Variants in PDLIM7 observed in about 807,000 individuals in gnomAD.
PDLIM7 encodes the protein PDZ and LIM domain protein 7.
PDLIM7 carries 37 observed loss-of-function variants against 53.9 expected under a neutral mutation model. The observed-to-expected ratio is 0.69, with a 90% confidence interval of 0.53 to 0.90. The LOEUF (loss-of-function observed/expected upper bound fraction) is 0.90, where lower values mean the gene tolerates loss of function less well. PDLIM7 is among the 40% of genes least tolerant of loss of function. PDLIM7 has a pLI of 0.00. For missense variants in PDLIM7, 617 were observed against 638.5 expected (o/e 0.97, Z 0.36); for synonymous variants, 300 against 261.3 (o/e 1.15, Z -1.43).
At chr5:177,492,701 C>T (rs767371072) in intron 2 of PDLIM7, 24 bp from the exon 3 acceptor site, 2 of 1,595,002 alleles carry the variant, frequency 1.3e-6, no homozygotes, top group Non-Finnish European at 1.7e-6. Flanking sequence ...AGCAAAGTGA[C>T]CGAGGCCCTG....
Position 177,492,519 on chromosome 5 carries a change from C to CG in PDLIM7, c.248+6dup. 1.9e-6 allele frequency: 3 copies of CG among 1,613,686 alleles called. No homozygotes were observed. The South Asian group carries it at 3.3e-5, about 18-fold the overall frequency. On this transcript the variant is annotated splice_region_variant and intron_variant, in intron 3 of 12. Coordinates refer to ENST00000355841, the MANE Select transcript of PDLIM7 (RefSeq NM_005451.5). ...GCGGGCGCACCCATCCATGTCCACC[C>CG]GCATACCTGCTGAGGCCCAGGCTGA...
rs545563078 is a variant in PDLIM7, at chr5:177,489,679, G to A, written c.635-52C>T. ...GTGCCCAGGGACCCCAAAGGACGGG[G>A]GTGGAGCCCCAGGCAGCTGAGAGAA... On this transcript the variant is annotated intron_variant, in intron 8 of 12. Coordinates refer to ENST00000355841, the MANE Select transcript of PDLIM7 (RefSeq NM_005451.5). 229 of 1,505,530 alleles carry A rather than the reference G, an allele frequency of 1.5e-4. No individual in the cohort carries two copies. In the African/African-American group the frequency reaches 2.9e-3, roughly 19 times the overall value. 93.3% of individuals were successfully genotyped at this position (1,505,530 alleles called of 1,614,324 possible). A position where few individuals can be genotyped will look rare whatever the true frequency, so the allele number is the denominator to read the frequency against.
In PDLIM7 at chr5:177,492,367, C is replaced by T. The variant is rs375539420; in HGVS notation, c.279+38G>A. The T allele has an allele frequency of 1.3e-5, 21 of 1,609,656 alleles. No homozygotes were observed. The African/African-American group carries it at 2.4e-4, about 18-fold the overall frequency. On this transcript the variant is annotated intron_variant, in intron 4 of 12. Transcript: ENST00000355841. ...GAGCAGGCCTGGCCGTCCAAGCCCACACCGCCCACCGCCCGGATGTCCCGG... is the reference window on the plus strand; with the variant it reads ...GAGCAGGCCTGGCCGTCCAAGCCCATACCGCCCACCGCCCGGATGTCCCGG...
chr5:177,496,525 T>C lies in PDLIM7; in HGVS notation c.-11-2A>G, dbSNP rs1218436639. The C allele has an allele frequency of 1.3e-6, 2 of 1,574,096 alleles. No individual in the cohort carries two copies. Among genetic ancestry groups the C allele is most frequent in the Non-Finnish European group, 1.7e-6 (2 of 1,159,914 alleles). On this transcript the variant is annotated splice_acceptor_variant, in intron 1 of 12. Transcript: ENST00000355841. LOFTEE classifies it low-confidence loss of function (5UTR_SPLICE). ...TGAAGGAATCCATGATGCCGGCTCCTGAGAGGAGAGAAGAGAAGGTGAGTG... is the reference window on the plus strand; with the variant it reads ...TGAAGGAATCCATGATGCCGGCTCCCGAGAGGAGAGAAGAGAAGGTGAGTG...
chr5:177,486,172 G>A (rs192897765), intron 10 of PDLIM7, among the ~76,000 whole-genome samples: 8 of 151,898 alleles, frequency 5.3e-5, no homozygotes, highest in Admixed American at 2.0e-4. Context: ...TCCCACCTTG[G>A]CCTCCCAAAG....
intron 7 of PDLIM7, chr5:177,490,248 G>A: frequency 2.8e-6 from 4 of 1,447,896 alleles, no homozygotes; most frequent in South Asian, 2.9e-5. Flanking sequence ...AGAGCAAGCA[G>A]GGCTGAGAAT....
chr5:177,496,441 G>A lies in PDLIM7; in HGVS notation c.72C>T (p.Phe24=), dbSNP rs902948115. 1.2e-6 allele frequency: 2 copies of A among 1,600,790 alleles called. No homozygotes were observed. Among genetic ancestry groups the A allele is most frequent in the African/African-American group, 2.7e-5 (2 of 74,356 alleles). Residue 24 remains phenylalanine, a synonymous_variant, in exon 2 of 13, where the codon TTC becomes TTT. Transcript: ENST00000355841. ...WGFRLQGGKD[F]NVPLSISRLT... is the part of the protein sequence containing the mutation. Reference sequence around the variant, plus strand: ...CCCGGGAAATGGAGAGGGGCACATTGAAGTCCTTGCCCCCTTGCAGCCGGA... The same window carrying A: ...CCCGGGAAATGGAGAGGGGCACATTAAAGTCCTTGCCCCCTTGCAGCCGGA...
In PDLIM7 at chr5:177,496,729, C is replaced by T. The variant is rs1030834657; in HGVS notation, c.-11-206G>A. On this transcript the variant is annotated intron_variant, in intron 1 of 12. Coordinates refer to ENST00000355841, the MANE Select transcript of PDLIM7 (RefSeq NM_005451.5). ...CTCACTTTGGAAAGACAGGAGCAGC[C>T]CCCCTCCCCTTGGGACTGGAACGGT... 72 of 397,318 alleles carry T rather than the reference C, an allele frequency of 1.8e-4. 1 individual carries two copies. The highest frequency in any genetic ancestry group is 3.2e-5 in the Non-Finnish European group (7 of 220,326). The allele number at this position is 397,318 out of a possible 1,614,324, so 24.6% of individuals were successfully genotyped here.
intron 2 of PDLIM7, among the ~76,000 whole-genome samples, chr5:177,493,929 A>G (rs1034977929): frequency 6.6e-6 from 1 of 152,056 alleles, no homozygotes; most frequent in African/African-American, 2.4e-5. Flanking sequence ...GAGGTTTCAG[A>G]GAGATGTCAG....
intron 2 of PDLIM7, among the ~76,000 whole-genome samples, chr5:177,495,313 T>G (rs1759013363): frequency 6.6e-6 from 1 of 151,924 alleles, no homozygotes; most frequent in South Asian, 2.1e-4. Flanking sequence ...ACAGACAGAC[T>G]CCAGCTTGAG....
Position 177,483,992 on chromosome 5 carries a change from G to C in PDLIM7, c.1172-10C>G. 5 of 1,613,566 alleles carry C rather than the reference G, an allele frequency of 3.1e-6. No homozygotes were observed. Among genetic ancestry groups the C allele is most frequent in the Non-Finnish European group, 3.4e-6 (4 of 1,179,714 alleles). The stretch of plus-strand genomic sequence containing the variant: ...AACATCTTCTCATAGTCTGAGAATG[G>C]GGGCAGAGAGAAAGAGGACCTGGAT... On this transcript the variant is annotated splice_polypyrimidine_tract_variant and intron_variant, in intron 11 of 12. Coordinates refer to ENST00000355841, the MANE Select transcript of PDLIM7 (RefSeq NM_005451.5).
chr5:177,489,324 G>C, intron 9 of PDLIM7, 69 bp downstream of exon 9: 3 of 1,205,240 alleles, frequency 2.5e-6, no homozygotes, highest in South Asian at 1.5e-5. Context: ...AGGCAAGACA[G>C]GTGGGCAGAC....
chr5:177,491,789 G>GGGCA lies in PDLIM7; in HGVS notation c.398+14_398+17dup. The GGGCA allele has an allele frequency of 8.5e-7, 1 of 1,176,248 alleles. No homozygotes were observed. Among genetic ancestry groups the GGGCA allele is most frequent in the South Asian group, 3.1e-5 (1 of 32,226 alleles). The allele number at this position is 1,176,248 out of a possible 1,614,324, so 72.9% of individuals were successfully genotyped here. A position where few individuals can be genotyped will look rare whatever the true frequency, so the allele number is the denominator to read the frequency against. The stretch of plus-strand genomic sequence containing the variant: ...TGGGCCTGATGGCGTGGGCGCGGGC[G>GGGCA]GGCAGGGGCCGACGTACCCATTCTG... On this transcript the variant is annotated intron_variant, in intron 5 of 12. Transcript: ENST00000355841.
chr5:177,491,988 TG>T, intron 4 of PDLIM7, 63 bp from the exon 5 acceptor site: 1 of 738,278 alleles, frequency 1.4e-6, no homozygotes. Flanking sequence ...TGGGTGGAAG[TG>T]GGGCGCCTGC....
intron 2 of PDLIM7, 121 bp from the exon 3 acceptor site, chr5:177,492,798 T>C: frequency 9.1e-7 from 1 of 1,094,050 alleles, no homozygotes; most frequent in Non-Finnish European, 1.3e-6. Context: ...AGCTCTTCAT[T>C]CAACATAGTT....
intron 7 of PDLIM7, chr5:177,490,490 G>A: frequency 3.9e-6 from 6 of 1,552,338 alleles, no homozygotes; most frequent in Non-Finnish European, 5.2e-6. Context: ...GGCTGGAGAG[G>A]GCCGGGCTAC....
chr5:177,483,652 G>C lies in PDLIM7; in HGVS notation c.1366C>G (p.His456Asp), dbSNP rs777868181. 103 of 1,608,518 alleles carry C rather than the reference G, an allele frequency of 6.4e-5. No homozygotes were observed. Among genetic ancestry groups the C allele is most frequent in the Non-Finnish European group, 8.3e-5 (98 of 1,175,416 alleles). ...RPLCKSHAFS[H>D]V is the part of the protein sequence containing the mutation. ...CTGTGGGCAGAAGGGGCTCACACAT[G>C]AGAGAAGGCATGGCTCTTGCAGAGA... Residue 456 changes from histidine (H) to aspartate (D), a missense_variant, in exon 13 of 13, where the codon CAT becomes GAT. Transcript: ENST00000355841.
chr5:177,488,861 A>G (rs1402272733), intron 9 of PDLIM7, among the ~76,000 whole-genome samples: 2 of 151,922 alleles, frequency 1.3e-5, no homozygotes, highest in East Asian at 3.9e-4. Context: ...CTGCACGCCA[A>G]CGTGGGCAAC....
intron 9 of PDLIM7, among the ~76,000 whole-genome samples, chr5:177,488,624 A>G (rs938029592): frequency 1.3e-5 from 2 of 152,204 alleles, no homozygotes; most frequent in Non-Finnish European, 2.9e-5. Flanking sequence ...ACAGTGGCTC[A>G]CACCTGTAGT....
Sources: gnomAD v4.1 joint callset for allele counts (sites outside exome capture counted in the v4.1 genomes callset) on GRCh38, gnomAD v4.1.1 for gene constraint, MANE v1.5 for transcripts, NCBI Gene and HGNC (gene_info 2026-07-23, HGNC 2026-07-21) for gene names.